The following OFD1 variants were observed in gnomAD, a reference collection of about 807,000 sequenced individuals.
The protein encoded by OFD1 is OFD1 centriole and centriolar satellite protein.
OFD1 carries 12 observed loss-of-function variants against 81.4 expected under a neutral mutation model. That is an observed-to-expected ratio of 0.15 (90% CI 0.09 to 0.24). The LOEUF is 0.24. OFD1 is among the 10% of genes least tolerant of loss of function. The pLI is 1.00. For missense variants in OFD1, 685 were observed against 733.9 expected, an observed-to-expected ratio of 0.93 and a Z score of 0.77; for synonymous variants, 256 against 263.7, an observed-to-expected ratio of 0.97 and a Z score of 0.28.
At chrX:13,755,946 C>T (rs866400340) in intron 12 of OFD1, among the ~76,000 whole-genome samples, 22 of 65,099 alleles carry the variant, frequency 3.4e-4, no homozygotes, top group South Asian at 1.0e-3. Flanking sequence ...CTTTCTTTCC[C>T]TTTTTTTTTT....
At chrX:13,731,228 A>G (rs2146877944), upstream of OFD1, among the ~76,000 whole-genome samples, 1 of 112,304 alleles carries the variant, frequency 8.9e-6, no homozygotes, top group South Asian at 3.7e-4. Context: ...GTTAAATGCT[A>G]TTCCTATTTT....
chrX:13,762,381 G>A lies in OFD1; in HGVS notation c.2425G>A (p.Glu809Lys). The change falls in exon 18 of 23, where the codon GAA (glutamate) becomes AAA (lysine). Residue 809 changes from glutamate to lysine, a missense_variant. Coordinates refer to ENST00000340096, the MANE Select transcript of OFD1 (RefSeq NM_003611.3). ...ACAAACTGAACTTCAAGACAAAAGT[G>A]AATTTTCAGATGTGGACAAGCTAGC... Reference protein sequence around the residue: ...RRQTELQDKSEFSDVDKLAFK... With the variant: ...RRQTELQDKSKFSDVDKLAFK... The A allele has an allele frequency of 8.3e-7, 1 of 1,203,136 alleles. No individual in the cohort carries two copies. The highest frequency in any genetic ancestry group is 3.0e-5 in the East Asian group (1 of 33,781).
At chrX:13,741,220 T>C (rs896735693) in intron 5 of OFD1, among the ~76,000 whole-genome samples, 1 of 112,283 alleles carries the variant, frequency 8.9e-6, no homozygotes, top group African/African-American at 3.2e-5. Flanking sequence ...CCTTACCAGC[T>C]TCACCTAGCA....
At chrX:13,715,935 T>C in the OFD1 span, 1 of 1,113,686 alleles carries the variant, frequency 9.0e-7, no homozygotes, top group African/African-American at 1.8e-5. Context: ...GTTACTTCAA[T>C]AGGCCAGTTT....
rs992114668 is a variant in OFD1 at position 13,769,181 on chromosome X, T to G, written c.*73T>G. 2 of 830,282 alleles carry G rather than the reference T, an allele frequency of 2.4e-6. No homozygotes were observed. Among genetic ancestry groups the G allele is most frequent in the Non-Finnish European group, 3.6e-6 (2 of 553,133 alleles). 68.4% of individuals were successfully genotyped at this position (830,282 alleles called of 1,213,427 possible). A position where few individuals can be genotyped will look rare whatever the true frequency, so the allele number is the denominator to read the frequency against. ...TAACATTTACTCCTTTGTAAATGTTTCCCTATCATCAGACAAAACTCAATA... is the reference window on the plus strand; with the variant it reads ...TAACATTTACTCCTTTGTAAATGTTGCCCTATCATCAGACAAAACTCAATA... On this transcript the variant is annotated 3_prime_UTR_variant, in exon 23 of 23. Transcript: ENST00000340096.
chrX:13,758,582 A>G, intron 15 of OFD1, 134 bp downstream of exon 15: 1 of 459,582 alleles, frequency 2.2e-6, no homozygotes, highest in East Asian at 3.9e-5. Context: ...GTGTCATCTT[A>G]GAAGTAAAAC....
chrX:13,752,547 G>A (rs1310530776), intron 10 of OFD1, among the ~76,000 whole-genome samples: 2 of 112,365 alleles, frequency 1.8e-5, no homozygotes, highest in African/African-American at 6.5e-5. Flanking sequence ...TTGAAATGAT[G>A]TATTTTACCC....
intron 5 of OFD1, chrX:13,739,937 A>ACC (rs2047025316): frequency 2.7e-6 from 2 of 752,416 alleles, no homozygotes; most frequent in East Asian, 3.0e-4. Context: ...GTCTTTTAAA[A>ACC]TAATCTGTTA....
chrX:13,772,813 C>A, downstream of OFD1: 2 of 1,061,144 alleles, frequency 1.9e-6, no homozygotes, highest in South Asian at 4.1e-5. Flanking sequence ...CACATCTGTA[C>A]TGCAGAGCAG....
At chrX:13,730,916 A>AG (rs2046661964), upstream of OFD1, among the ~76,000 whole-genome samples, 1 of 13,327 alleles carries the variant, frequency 7.5e-5, no homozygotes, top group African/African-American at 3.3e-4. Flanking sequence ...GGGGCCTGTC[A>AG]GGGGGTGGGG....
intron 19 of OFD1, among the ~76,000 whole-genome samples, chrX:13,765,240 T>C (rs2048084565): frequency 1.8e-5 from 2 of 110,517 alleles, no homozygotes; most frequent in Admixed American, 1.9e-4. Flanking sequence ...CCCGTGGACA[T>C]GCTTCCTTCC....
Position 13,734,829 on chromosome X carries a change from C to T in OFD1, c.-243C>T. On this transcript the variant is annotated 5_prime_UTR_variant, in exon 1 of 23. Transcript: ENST00000340096. ...GCCCTCCAGCCGCCTTTGAGTCGTGCCTGGGTCCTCGCCCTTGCCTCAGAA... is the reference window on the plus strand; with the variant it reads ...GCCCTCCAGCCGCCTTTGAGTCGTGTCTGGGTCCTCGCCCTTGCCTCAGAA... The T allele has an allele frequency of 9.3e-7, 1 of 1,080,312 alleles. No individual in the cohort carries two copies. The highest frequency in any genetic ancestry group is 2.4e-5 in the South Asian group (1 of 41,360). The allele number at this position is 1,080,312 out of a possible 1,213,427, so 89.0% of individuals were successfully genotyped here. A position where few individuals can be genotyped will look rare whatever the true frequency, so the allele number is the denominator to read the frequency against.
At chrX:13,717,975 A>C in the OFD1 span, among the ~76,000 whole-genome samples, 1 of 111,913 alleles carries the variant, frequency 8.9e-6, no homozygotes. Flanking sequence ...ACACAGGGAG[A>C]AAAATGCCAC....
chrX:13,737,226 A>T (rs1180179453), intron 3 of OFD1, among the ~76,000 whole-genome samples: 3 of 109,625 alleles, frequency 2.7e-5, no homozygotes, highest in African/African-American at 3.4e-5. Flanking sequence ...AAAAATCTGT[A>T]AAGTTCTCAA....
At chrX:13,718,090 A>G in the OFD1 span, among the ~76,000 whole-genome samples, 6 of 112,408 alleles carry the variant, frequency 5.3e-5, no homozygotes, top group Non-Finnish European at 1.1e-4. Flanking sequence ...GCATGGCCCC[A>G]CTGACACCTT....
chrX:13,771,747 GTTTC>G (rs2048302709), downstream of OFD1: 1 of 112,300 alleles, frequency 8.9e-6, no homozygotes, highest in Admixed American at 9.5e-5. Flanking sequence ...TAAAAGGCAA[GTTTC>G]TTTTGAAAAT....
chrX:13,715,828 A>G, the OFD1 span: 5 of 973,370 alleles, frequency 5.1e-6, no homozygotes, highest in Non-Finnish European at 6.6e-6. Flanking sequence ...CTAAATACAT[A>G]TTCACCTGGC....
upstream of OFD1, among the ~76,000 whole-genome samples, chrX:13,732,878 G>A (rs1176356826): frequency 8.9e-6 from 1 of 112,818 alleles, no homozygotes; most frequent in East Asian, 2.8e-4. Flanking sequence ...CCCTGTGCTC[G>A]CGAGAGCAGT....
chrX:13,763,660 C>G, intron 18 of OFD1, 85 bp from the exon 19 acceptor site: 2 of 748,913 alleles, frequency 2.7e-6, no homozygotes, highest in Non-Finnish European at 2.1e-6. Flanking sequence ...TTCCCGTGCT[C>G]CAGTCAGTTG....
Sources: allele counts gnomAD v4.1 joint callset (sites outside exome capture counted in the v4.1 genomes callset), GRCh38; gene constraint gnomAD v4.1.1; transcripts MANE v1.5; gene names NCBI Gene and HGNC (gene_info 2026-07-23, HGNC 2026-07-21).